SUSD4: variants seen among roughly 807,000 people sequenced by gnomAD.
The protein encoded by SUSD4 is sushi domain containing 4.
Under a neutral mutation model 50.5 loss-of-function variants are expected in SUSD4, and 41 were observed. The ratio of observed to expected loss-of-function variants is 0.81; its 90% confidence interval spans 0.63 to 1.05. The LOEUF is 1.05. Ranked by LOEUF, SUSD4 falls within the 50% of genes least tolerant of loss-of-function variation. The pLI is 0.00. For synonymous variants in SUSD4, 257 were observed against 257.3 expected (o/e 1.00, Z 0.01); for missense variants, 580 against 634.7 (o/e 0.91, Z 0.93).
intron 3 of SUSD4, among the ~76,000 whole-genome samples, chr1:223,291,488 CAAAAAAAAAAAAA>C: frequency 2.0e-5 from 1 of 49,550 alleles, no homozygotes; most frequent in Non-Finnish European, 3.6e-5. Flanking sequence ...GACACTGTCT[CAAAAAAAAAAAAA>C]AAAAAAAAAG....
intron 2 of SUSD4, among the ~76,000 whole-genome samples, chr1:223,337,288 T>C (rs1001851923): frequency 3.3e-5 from 5 of 152,200 alleles, no homozygotes; most frequent in African/African-American, 1.2e-4. Context: ...ATGTCTTCCA[T>C]TGCTCAAACG....
intron 7 of SUSD4, among the ~76,000 whole-genome samples, chr1:223,225,590 G>C (rs2102992015): frequency 6.6e-6 from 1 of 152,242 alleles, no homozygotes; most frequent in South Asian, 2.1e-4. Context: ...AGTAGTTACT[G>C]CTTCCTTGAC....
rs1007409458 is a variant in SUSD4 at position 223,277,102 on chromosome 1, C to T, written c.362-8427G>A. Among the ~76,000 whole-genome samples, 6 of 152,264 alleles carry T rather than the reference C, an allele frequency of 3.9e-5. No individual in the cohort carries two copies. The South Asian group carries it at 6.2e-4, about 16-fold the overall frequency. On this transcript the variant is annotated intron_variant, in intron 3 of 8. Coordinates refer to ENST00000366878, the MANE Select transcript of SUSD4 (RefSeq NM_017982.4). ...CTGCCAATTTTACTGCCAGCTTTAG[C>T]TTATGAGTTGAGCTGAATCTTTTAA...
chr1:223,354,378 A>G (rs1235890876), intron 2 of SUSD4, among the ~76,000 whole-genome samples: 3 of 152,162 alleles, frequency 2.0e-5, no homozygotes, highest in African/African-American at 7.2e-5. Context: ...CCACAAAGCA[A>G]TGCTATAAAC....
At chr1:223,255,335 A>G (rs1269270350) in intron 5 of SUSD4, among the ~76,000 whole-genome samples, 7 of 152,202 alleles carry the variant, frequency 4.6e-5, no homozygotes, top group Admixed American at 2.0e-4. Flanking sequence ...TTAGCCATCT[A>G]CTTACATCCT....
chr1:223,223,919 T>G (rs528683802), intron 7 of SUSD4, among the ~76,000 whole-genome samples: 1 of 152,354 alleles, frequency 6.6e-6, no homozygotes, highest in Non-Finnish European at 1.5e-5. Flanking sequence ...CCTTGCTCCT[T>G]TGACCTGTGG....
In SUSD4 at chr1:223,293,426, T is replaced by A. The variant is rs550773457; in HGVS notation, c.149-775A>T. Among the ~76,000 whole-genome samples the A allele has an allele frequency of 5.3e-5, 8 of 151,938 alleles. No individual in the cohort carries two copies. In the East Asian group the frequency reaches 1.4e-3, roughly 26 times the overall value. ...AGGCTGTGCGCCCTCCAAGAACAAG[T>A]CCTATGACTCCATCCTGACATCCCC... On this transcript the variant is annotated intron_variant, in intron 2 of 8. Transcript: ENST00000366878.
intron 2 of SUSD4, among the ~76,000 whole-genome samples, chr1:223,304,943 A>G: frequency 6.7e-6 from 1 of 149,716 alleles, no homozygotes; most frequent in East Asian, 2.0e-4. Flanking sequence ...TCCTAGAGCC[A>G]TGTTAATATC....
At chr1:223,247,678 G>T (rs1661031273) in intron 5 of SUSD4, among the ~76,000 whole-genome samples, 1 of 152,168 alleles carries the variant, frequency 6.6e-6, no homozygotes, top group African/African-American at 2.4e-5. Flanking sequence ...TTTGAAGAGT[G>T]TAATAATGAG....
intron 5 of SUSD4, among the ~76,000 whole-genome samples, chr1:223,256,447 G>A (rs1223323916): frequency 1.3e-5 from 2 of 152,206 alleles, no homozygotes; most frequent in Non-Finnish European, 2.9e-5. Flanking sequence ...AGCAGGTGAT[G>A]TGCCTGTTAC....
At chr1:223,363,664 A>C (rs2102613027) in intron 1 of SUSD4, 1 of 519,784 alleles carries the variant, frequency 1.9e-6, no homozygotes, top group South Asian at 3.4e-5. Flanking sequence ...CCGCCGTGGG[A>C]TGCTGCGCGT....
At chr1:223,276,321 T>G (rs1663269626) in intron 3 of SUSD4, among the ~76,000 whole-genome samples, 1 of 152,210 alleles carries the variant, frequency 6.6e-6, no homozygotes, top group African/African-American at 2.4e-5. Flanking sequence ...TCTGGGACTT[T>G]GAGCAACTCC....
At chr1:223,316,725 A>G (rs542789695) in intron 2 of SUSD4, among the ~76,000 whole-genome samples, 20 of 152,294 alleles carry the variant, frequency 1.3e-4, no homozygotes, top group African/African-American at 4.8e-4. Flanking sequence ...CCAAGGAGAC[A>G]GAGGCTCAGA....
chr1:223,364,977 G>A (rs1048708173), upstream of SUSD4, among the ~76,000 whole-genome samples: 3 of 152,156 alleles, frequency 2.0e-5, no homozygotes, highest in Non-Finnish European at 4.4e-5. This position sits in a 1 kb window ranked among gnomAD's most constrained non-coding sequence, Gnocchi z 4.5. Context: ...GGTGTTGCGA[G>A]TGAGGACCCC....
chr1:223,311,935 C>A (rs1665903951), intron 2 of SUSD4, among the ~76,000 whole-genome samples: 1 of 152,310 alleles, frequency 6.6e-6, no homozygotes, highest in South Asian at 2.1e-4. Context: ...TGCTGATTTG[C>A]TCTAAACTCA....
chr1:223,328,235 C>T (rs528484916), intron 2 of SUSD4, among the ~76,000 whole-genome samples: 30 of 152,298 alleles, frequency 2.0e-4, no homozygotes, highest in African/African-American at 6.7e-4. Context: ...TTATAAAGGG[C>T]TCTCCAGTAC....
chr1:223,320,602 G>C (rs965036037), intron 2 of SUSD4, among the ~76,000 whole-genome samples: 2 of 152,170 alleles, frequency 1.3e-5, no homozygotes, highest in Non-Finnish European at 2.9e-5. Context: ...ACAGAGCAAG[G>C]GGGCAGCAGA....
chr1:223,287,554 C>T (rs1366458145), intron 3 of SUSD4, among the ~76,000 whole-genome samples: 1 of 152,130 alleles, frequency 6.6e-6, no homozygotes, highest in Admixed American at 6.5e-5. Context: ...GTGGAGGCCC[C>T]GTAAGTTCTC....
intron 5 of SUSD4, among the ~76,000 whole-genome samples, chr1:223,241,980 C>T (rs1026550402): frequency 6.6e-6 from 1 of 152,170 alleles, no homozygotes; most frequent in Admixed American, 6.5e-5. Context: ...CTTGCTCTGT[C>T]ACCCAGGCTG....
Sources: gnomAD v4.1 joint callset for allele counts (sites outside exome capture counted in the v4.1 genomes callset) on GRCh38, gnomAD v4.1.1 for gene constraint, Gnocchi (gnomAD v3.1) non-coding constraint, MANE v1.5 for transcripts, NCBI Gene and HGNC (gene_info 2026-07-23, HGNC 2026-07-21) for gene names.